ADAMTS17: variants seen among roughly 807,000 people sequenced by gnomAD.
ADAMTS17 encodes the protein ADAM metallopeptidase with thrombospondin type 1 motif 17, also known as A disintegrin and metalloproteinase with thrombospondin motifs 17.
In ADAMTS17, 113 loss-of-function variants were observed where a neutral mutation model predicts 141.5. The observed-to-expected ratio is 0.80, with a 90% CI of 0.69 to 0.93. ADAMTS17 has a LOEUF of 0.93. ADAMTS17 is among the 40% of genes least tolerant of loss of function. The pLI is 0.00. For synonymous variants in ADAMTS17, 768 were observed against 630.6 expected (o/e 1.22, Z -3.27); for missense variants, 1,659 against 1,517.9 (o/e 1.09, Z -1.54).
At chr15:100,038,899 T>C (rs765885624) in intron 18 of ADAMTS17, among the ~76,000 whole-genome samples, 6 of 152,242 alleles carry the variant, frequency 3.9e-5, no homozygotes, top group Non-Finnish European at 7.3e-5. Flanking sequence ...TCCTGATCTT[T>C]GGAGAAAAGC....
At chr15:100,228,362 G>C (rs1343713487) in intron 7 of ADAMTS17, among the ~76,000 whole-genome samples, 1 of 152,204 alleles carries the variant, frequency 6.6e-6, no homozygotes, top group Non-Finnish European at 1.5e-5. Flanking sequence ...ACTCTGATTA[G>C]ACTGTAAGTG....
intron 18 of ADAMTS17, among the ~76,000 whole-genome samples, chr15:100,022,372 C>A (rs1268474502): frequency 1.3e-5 from 2 of 152,226 alleles, no homozygotes; most frequent in East Asian, 3.8e-4. Flanking sequence ...TCGGCTCTGG[C>A]ACACTGGAGA....
intron 12 of ADAMTS17, among the ~76,000 whole-genome samples, chr15:100,123,472 G>A (rs1459714254): frequency 6.6e-6 from 1 of 152,170 alleles, no homozygotes; most frequent in Non-Finnish European, 1.5e-5. Flanking sequence ...GGGCTCCAAG[G>A]CTCCGAGGTC....
At chr15:100,215,844 T>C (rs1398569540) in intron 7 of ADAMTS17, among the ~76,000 whole-genome samples, 1 of 151,840 alleles carries the variant, frequency 6.6e-6, no homozygotes, top group Admixed American at 6.5e-5. Context: ...AGACACCATT[T>C]GCCTGAGGAT....
At chr15:100,267,839 G>A (rs1330628556) in intron 4 of ADAMTS17, among the ~76,000 whole-genome samples, 1 of 152,218 alleles carries the variant, frequency 6.6e-6, no homozygotes, top group African/African-American at 2.4e-5. Context: ...GGTAAACAGA[G>A]TACCTATCAC....
chr15:100,292,433 T>C (rs1416893955), intron 3 of ADAMTS17, among the ~76,000 whole-genome samples: 2 of 144,452 alleles, frequency 1.4e-5, no homozygotes, highest in Non-Finnish European at 3.0e-5. Flanking sequence ...ACTCACCCCG[T>C]GTTAGAGACA....
chr15:100,156,023 G>A (rs1019140507), intron 8 of ADAMTS17, among the ~76,000 whole-genome samples: 2 of 152,138 alleles, frequency 1.3e-5, no homozygotes, highest in South Asian at 2.1e-4. Context: ...ATGCCCCAAC[G>A]TGTATAAGGA....
At chr15:100,211,099 CAAATAAAT>C (rs372084235) in intron 7 of ADAMTS17, among the ~76,000 whole-genome samples, 3,696 of 131,848 alleles carry the variant, frequency 0.028, 168 homozygotes, top group African/African-American at 0.094. Context: ...GACTCAGTCT[CAAATAAAT>C]AAATAAATAA....
chr15:100,183,476 A>T (rs2040596292), intron 8 of ADAMTS17, among the ~76,000 whole-genome samples: 1 of 152,046 alleles, frequency 6.6e-6, no homozygotes, highest in African/African-American at 2.4e-5. Context: ...ATATTTTTTC[A>T]GTTCTATAAT....
At chr15:100,198,667 T>C (rs571233059) in intron 8 of ADAMTS17, among the ~76,000 whole-genome samples, 21 of 152,332 alleles carry the variant, frequency 1.4e-4, no homozygotes, top group Admixed American at 1.2e-3. Context: ...AGTTTGAGCG[T>C]CGTCTGGCTT....
At chr15:100,065,770 T>C (rs1428474284) in intron 15 of ADAMTS17, among the ~76,000 whole-genome samples, 1 of 152,144 alleles carries the variant, frequency 6.6e-6, no homozygotes, top group Non-Finnish European at 1.5e-5. Context: ...TTGTTACATA[T>C]GTATACATGT....
At chr15:100,219,931 G>A (rs1243183579) in intron 7 of ADAMTS17, among the ~76,000 whole-genome samples, 6 of 152,102 alleles carry the variant, frequency 3.9e-5, no homozygotes, top group East Asian at 1.9e-4. Flanking sequence ...GCCAAAAACC[G>A]CAATAAGCAC....
At chr15:100,027,232 T>G (rs1249015618) in intron 18 of ADAMTS17, among the ~76,000 whole-genome samples, 3 of 152,010 alleles carry the variant, frequency 2.0e-5, no homozygotes, top group Non-Finnish European at 4.4e-5. Context: ...ATTATTTGAT[T>G]TTCCTGCTTT....
intron 8 of ADAMTS17, among the ~76,000 whole-genome samples, chr15:100,183,749 T>C (rs2040606716): frequency 1.3e-5 from 2 of 152,360 alleles, no homozygotes; most frequent in South Asian, 4.1e-4. Flanking sequence ...TTAAATATGC[T>C]ATTGCAGCAA....
At chr15:100,092,421 G>C (rs760458353) in intron 15 of ADAMTS17, among the ~76,000 whole-genome samples, 1 of 152,232 alleles carries the variant, frequency 6.6e-6, no homozygotes, top group South Asian at 2.1e-4. Flanking sequence ...GTAACATCCA[G>C]CATCTTACAT....
At chr15:100,139,307 G>A (rs867714693) in intron 10 of ADAMTS17, among the ~76,000 whole-genome samples, 1 of 152,214 alleles carries the variant, frequency 6.6e-6, no homozygotes, top group Non-Finnish European at 1.5e-5. Flanking sequence ...TTCTAAGAAT[G>A]TGTAAGTGAG....
intron 15 of ADAMTS17, among the ~76,000 whole-genome samples, chr15:100,063,963 G>A (rs979247761): frequency 1.5e-4 from 23 of 152,142 alleles, no homozygotes; most frequent in African/African-American, 4.8e-4. Flanking sequence ...CGTGTTTCAG[G>A]TTGAGTGGTG....
intron 7 of ADAMTS17, among the ~76,000 whole-genome samples, chr15:100,253,832 A>C (rs2043238051): frequency 6.6e-6 from 1 of 152,094 alleles, no homozygotes; most frequent in South Asian, 2.1e-4. Context: ...TGGGTGACCA[A>C]AATGCTCAGA....
intron 3 of ADAMTS17, among the ~76,000 whole-genome samples, chr15:100,288,238 G>T (rs909371912): frequency 6.6e-5 from 10 of 152,114 alleles, no homozygotes; most frequent in African/African-American, 2.2e-4. Context: ...GACAAAACAG[G>T]CTTTAAGCCA....
Sources: gnomAD v4.1 joint callset for allele counts (sites outside exome capture counted in the v4.1 genomes callset) on GRCh38, gnomAD v4.1.1 for gene constraint, MANE v1.5 for transcripts, NCBI Gene and HGNC (gene_info 2026-07-23, HGNC 2026-07-21) for gene names.